Variants in BRWD3 observed in about 807,000 individuals in gnomAD.
The protein encoded by BRWD3 is bromodomain and WD repeat-containing protein 3.
BRWD3 carries 10 observed loss-of-function variants against 149.7 expected under a neutral mutation model. The observed-to-expected ratio is 0.07, with a 90% CI of 0.04 to 0.11. The LOEUF is 0.11. Among genes scored for constraint, BRWD3 ranks in the 10% least tolerant of loss-of-function variants. BRWD3 has a pLI of 1.00. For synonymous variants in BRWD3, 504 were observed against 456.7 expected (o/e 1.10, Z -1.32); for missense variants, 940 against 1,373.2 (o/e 0.68, Z 4.99).
Position 80,735,240 on chromosome X carries a change from G to A in BRWD3, c.915-43C>T, listed in dbSNP as rs758345502. 17 of 1,039,979 alleles carry A rather than the reference G, an allele frequency of 1.6e-5. No individual in the cohort carries two copies. In the South Asian group the frequency reaches 2.6e-4, roughly 16 times the overall value. 85.7% of individuals were successfully genotyped at this position (1,039,979 alleles called of 1,213,427 possible). A position where few individuals can be genotyped will look rare whatever the true frequency, so the allele number is the denominator to read the frequency against. On this transcript the variant is annotated intron_variant, in intron 9 of 40. Coordinates refer to ENST00000373275, the MANE Select transcript of BRWD3 (RefSeq NM_153252.5). ...GTGTTTTTGTGTTTCATCATGTTTG[G>A]CTAATGGGCCAGAATGTTAGCGCAC...
At chrX:80,720,263 A>C (rs1449701505) in intron 17 of BRWD3, among the ~76,000 whole-genome samples, 3 of 111,364 alleles carry the variant, frequency 2.7e-5, no homozygotes, top group Non-Finnish European at 5.7e-5. Context: ...TTCCAGAAAA[A>C]GGCATTGTTA....
At chrX:80,733,230 A>G in intron 12 of BRWD3, 1 of 333,804 alleles carries the variant, frequency 3.0e-6, no homozygotes, top group Non-Finnish European at 5.2e-6. Flanking sequence ...AGAGCAAAAT[A>G]AACAAAGAAG....
Position 80,724,913 on chromosome X carries a change from T to C in BRWD3, c.1521+20A>G. 4.1e-6 allele frequency: 5 copies of C among 1,209,048 alleles called. No homozygotes were observed. The highest frequency in any genetic ancestry group is 5.6e-6 in the Non-Finnish European group (5 of 893,315). On this transcript the variant is annotated intron_variant, in intron 15 of 40. Coordinates refer to ENST00000373275, the MANE Select transcript of BRWD3 (RefSeq NM_153252.5). ...GAAGTTGGTTTTAATGTGAACTAGATACAGGTAGGTGTCTCTTACCATGTT... is the reference window on the plus strand; with the variant it reads ...GAAGTTGGTTTTAATGTGAACTAGACACAGGTAGGTGTCTCTTACCATGTT...
At chrX:80,734,055 G>T (rs1300525024) in intron 11 of BRWD3, 63 bp downstream of exon 11, 1 of 828,260 alleles carries the variant, frequency 1.2e-6, no homozygotes, top group African/African-American at 2.0e-5. Context: ...GATCAGAAAA[G>T]AAATGAAATA....
Position 80,672,404 on chromosome X carries a change from A to AAGAG in BRWD3, c.*4201_*4204dup, listed in dbSNP as rs1465200627. 1 of 71,158 alleles carries AAGAG rather than the reference A, an allele frequency of 1.4e-5. No homozygotes were observed. Among genetic ancestry groups the AAGAG allele is most frequent in the Non-Finnish European group, 2.5e-5 (1 of 40,216 alleles). 5.9% of individuals were successfully genotyped at this position (71,158 alleles called of 1,213,427 possible). A position where few individuals can be genotyped will look rare whatever the true frequency, so the allele number is the denominator to read the frequency against. ...TGAGGAAGGAAGGAAGGAGGGAAGG[A>AAGAG]AGAGAGGGAGGGAGGGAGGGGGGAG... On this transcript the variant is annotated 3_prime_UTR_variant, in exon 41 of 41. Transcript: ENST00000373275.
At chrX:80,693,776 T>C (rs754811780) in intron 27 of BRWD3, among the ~76,000 whole-genome samples, 2 of 112,201 alleles carry the variant, frequency 1.8e-5, no homozygotes, top group African/African-American at 3.2e-5. Flanking sequence ...TTCAGTTTTA[T>C]GTATTCACAA....
chrX:80,722,532 G>A, intron 17 of BRWD3, 30 bp downstream of exon 17: 1 of 1,180,689 alleles, frequency 8.5e-7, no homozygotes, highest in Non-Finnish European at 1.2e-6. Context: ...TGGGCAAAAT[G>A]TTTTAAATTT....
rs1233033186 is a variant in BRWD3 at position 80,722,928 on chromosome X, T to C, written c.1651-141A>G. ...TAGTCCTTTGTTGCCCTGTATTCCC[T>C]TTAGGTAGAAGAGAATTGAATTACC... On this transcript the variant is annotated intron_variant, in intron 16 of 40. Transcript: ENST00000373275. The C allele has an allele frequency of 7.6e-6, 4 of 523,605 alleles. No homozygotes were observed. The East Asian group carries it at 1.1e-4, about 14-fold the overall frequency. 43.2% of individuals were successfully genotyped at this position (523,605 alleles called of 1,213,427 possible).
intron 17 of BRWD3, among the ~76,000 whole-genome samples, chrX:80,721,075 C>G (rs953709513): frequency 7.1e-5 from 8 of 112,191 alleles, no homozygotes; most frequent in Non-Finnish European, 1.1e-4. Flanking sequence ...GATGATCTTT[C>G]AACTATTACT....
chrX:80,729,933 C>T lies in BRWD3; in HGVS notation c.1215G>A (p.Met405Ile). 8.4e-7 allele frequency: 1 copy of T among 1,193,971 alleles called. No homozygotes were observed. The highest frequency in any genetic ancestry group is 1.1e-6 in the Non-Finnish European group (1 of 879,493). Residue 405 changes from methionine to isoleucine, a missense_variant, in exon 13 of 41, where the codon ATG becomes ATA. By Grantham distance (10) the Met-to-Ile change is conservative. Around this residue, in one of 6 missense-constraint regions of BRWD3, gnomAD observed 209 missense variants for 396.8 expected, o/e 0.53. Coordinates refer to ENST00000373275, the MANE Select transcript of BRWD3 (RefSeq NM_153252.5). ...QQEWKSIVLD[M>I]ATKMTGNNLP... Reference sequence around the variant, plus strand: ...ATTCTTACCCAGTCATTTTAGTAGCCATGTCTAGCACTATACTCTTCCATT... The same window carrying T: ...ATTCTTACCCAGTCATTTTAGTAGCTATGTCTAGCACTATACTCTTCCATT...
chrX:80,717,660 G>A lies in BRWD3; in HGVS notation c.2144C>T (p.Ala715Val), dbSNP rs954949884. 9.1e-6 allele frequency: 11 copies of A among 1,210,362 alleles called. No homozygotes were observed. The highest frequency in any genetic ancestry group is 1.2e-5 in the Non-Finnish European group (11 of 894,293). ...TTCAGTGGCCATCTGGCTCCGAGGA[G>A]CATTGTTATGCATTTGTCTAACACC... ...IEGVRQMHNNAPRSQMATERD... is the reference protein window; with the variant it reads ...IEGVRQMHNNVPRSQMATERD... The change falls in exon 19 of 41, where the codon GCT (alanine) becomes GTT (valine). Residue 715 changes from alanine to valine, a missense_variant. Around this residue, in one of 6 missense-constraint regions of BRWD3, gnomAD observed 103 missense variants for 103.2 expected, o/e 1.00. Coordinates refer to ENST00000373275, the MANE Select transcript of BRWD3 (RefSeq NM_153252.5).
chrX:80,719,121 A>C (rs2073110287), intron 18 of BRWD3, among the ~76,000 whole-genome samples: 1 of 110,342 alleles, frequency 9.1e-6, no homozygotes, highest in African/African-American at 3.3e-5. Flanking sequence ...CAAAAGAGGA[A>C]TTGGTAGTAA....
intron 24 of BRWD3, among the ~76,000 whole-genome samples, chrX:80,702,769 C>A (rs1048035642): frequency 9.0e-6 from 1 of 111,464 alleles, no homozygotes; most frequent in African/African-American, 3.3e-5. Context: ...TGTTTAGAGC[C>A]TACTTGCAAG....
At chrX:80,719,354 ATC>A (rs2073113305) in intron 18 of BRWD3, 133 bp downstream of exon 18, 2 of 539,752 alleles carry the variant, frequency 3.7e-6, no homozygotes, top group African/African-American at 4.7e-5. Flanking sequence ...ACTTCAATAT[ATC>A]TGATATCAAA....
intron 4 of BRWD3, among the ~76,000 whole-genome samples, chrX:80,797,092 T>C (rs751121700): frequency 1.8e-5 from 2 of 112,285 alleles, no homozygotes; most frequent in Non-Finnish European, 3.8e-5. Flanking sequence ...TTATAATTCA[T>C]ACCCTGCACA....
rs1357980145 is a variant in BRWD3, at chrX:80,696,004, A to G, written c.3069-14T>C. 5.2e-6 allele frequency: 6 copies of G among 1,147,762 alleles called. No homozygotes were observed. Among genetic ancestry groups the G allele is most frequent in the Non-Finnish European group, 7.2e-6 (6 of 837,835 alleles). The allele number at this position is 1,147,762 out of a possible 1,213,427, so 94.6% of individuals were successfully genotyped here. ...ATGTCATGATACCTATACAGAAAAT[A>G]AAGCACATATGAATCAATATAGAGA... On this transcript the variant is annotated splice_polypyrimidine_tract_variant and intron_variant, in intron 26 of 40. Transcript: ENST00000373275.
chrX:80,759,154 G>A (rs755847556), intron 6 of BRWD3, among the ~76,000 whole-genome samples: 26 of 111,668 alleles, frequency 2.3e-4, no homozygotes, highest in Non-Finnish European at 4.0e-4. Context: ...ACTACATTAG[G>A]TTTCTTAAAA....
chrX:80,719,661 A>G lies in BRWD3; in HGVS notation c.1877-5T>C, dbSNP rs1024751487. ...GTTCTACTACCTCACCATCACCTTA[A>G]TAAGACCAGATACAAAGCCACAAAA... On this transcript the variant is annotated splice_region_variant and splice_polypyrimidine_tract_variant and intron_variant, in intron 17 of 40. Transcript: ENST00000373275. 4 of 1,207,388 alleles carry G rather than the reference A, an allele frequency of 3.3e-6. No individual in the cohort carries two copies. In the Admixed American group the frequency reaches 6.6e-5, roughly 20 times the overall value.
chrX:80,717,844 T>A, intron 18 of BRWD3, 85 bp from the exon 19 acceptor site: 6 of 839,262 alleles, frequency 7.1e-6, no homozygotes, highest in Non-Finnish European at 1.1e-5. Flanking sequence ...AAACAGTAGA[T>A]TCAAATATAG....
Sources: gnomAD v4.1 joint callset for allele counts (sites outside exome capture counted in the v4.1 genomes callset) on GRCh38, gnomAD v4.1.1 for gene constraint, gnomAD v4.1.1 regional missense constraint, MANE v1.5 for transcripts, NCBI Gene and HGNC (gene_info 2026-07-23, HGNC 2026-07-21) for gene names.